MAPRE1: variants seen among roughly 807,000 people sequenced by gnomAD.
The protein encoded by MAPRE1 is microtubule associated protein RP/EB family member 1.
MAPRE1 carries 5 observed loss-of-function variants against 32.1 expected under a neutral mutation model. That is an observed-to-expected ratio of 0.16 (90% CI 0.08 to 0.33). The LOEUF is 0.33. Among genes scored for constraint, MAPRE1 ranks in the 10% least tolerant of loss-of-function variants. The pLI, the probability that MAPRE1 is intolerant of heterozygous loss-of-function variation, is 1.00. For synonymous variants in MAPRE1, 122 were observed against 118.9 expected, an observed-to-expected ratio of 1.03 and a Z score of -0.17; for missense variants, 209 against 327.2, an observed-to-expected ratio of 0.64 and a Z score of 2.79.
intron 6 of MAPRE1, among the ~76,000 whole-genome samples, chr20:32,847,432 C>T (rs1201652784): frequency 6.6e-6 from 1 of 152,178 alleles, no homozygotes. Context: ...CTAGCAAGGT[C>T]TGTAGGATCA....
chr20:32,840,982 A>T (rs1486539832), intron 5 of MAPRE1, among the ~76,000 whole-genome samples: 1 of 151,870 alleles, frequency 6.6e-6, no homozygotes, highest in Non-Finnish European at 1.5e-5. Context: ...CGCCTGGCTG[A>T]TTTTTGTATT....
intron 2 of MAPRE1, among the ~76,000 whole-genome samples, chr20:32,830,528 C>G (rs902027702): frequency 1.3e-5 from 2 of 152,094 alleles, no homozygotes; most frequent in Non-Finnish European, 2.9e-5. Context: ...GAGGCTAATT[C>G]ACAGTTTTAT....
chr20:32,825,119 T>C (rs2146121169), intron 1 of MAPRE1, among the ~76,000 whole-genome samples: 1 of 146,232 alleles, frequency 6.8e-6, no homozygotes. Context: ...GCCATTGCAC[T>C]CCAGTCTGGG....
chr20:32,841,377 T>C (rs557853141), intron 5 of MAPRE1, among the ~76,000 whole-genome samples: 31 of 151,732 alleles, frequency 2.0e-4, no homozygotes, highest in South Asian at 4.2e-4. Context: ...ATGTTGAGGC[T>C]GGGTAGCAGC....
intron 4 of MAPRE1, among the ~76,000 whole-genome samples, chr20:32,839,169 A>C (rs1294446036): frequency 1.3e-5 from 2 of 152,170 alleles, no homozygotes; most frequent in African/African-American, 4.8e-5. Flanking sequence ...GCTCTTATGG[A>C]TTCCCTCCCT....
At chr20:32,839,956 G>A in intron 5 of MAPRE1, 100 bp downstream of exon 5, 1 of 1,524,748 alleles carries the variant, frequency 6.6e-7, no homozygotes, top group East Asian at 2.3e-5. Flanking sequence ...CACCTGCCTT[G>A]TTTGCTTGCC....
At chr20:32,823,543 C>T (rs1982758972) in intron 1 of MAPRE1, among the ~76,000 whole-genome samples, 1 of 152,220 alleles carries the variant, frequency 6.6e-6, no homozygotes, top group Admixed American at 6.5e-5. Context: ...TCCCTCCCTA[C>T]TGTCTGTTCT....
intron 2 of MAPRE1, among the ~76,000 whole-genome samples, chr20:32,827,302 G>A (rs1814427630): frequency 6.6e-6 from 1 of 152,068 alleles, no homozygotes; most frequent in African/African-American, 2.4e-5. Flanking sequence ...CAGCTGCTCT[G>A]GAGGCTGAGG....
chr20:32,828,951 T>C, intron 2 of MAPRE1, among the ~76,000 whole-genome samples: 1 of 152,004 alleles, frequency 6.6e-6, no homozygotes. Flanking sequence ...TTTTTTTTTC[T>C]TTTTGAGACT....
intron 6 of MAPRE1, among the ~76,000 whole-genome samples, chr20:32,848,045 A>T (rs888625027): frequency 3.0e-4 from 43 of 145,124 alleles, no homozygotes; most frequent in East Asian, 1.2e-3. Flanking sequence ...TTTGAGGGAA[A>T]TTTTTTTTTT....
At chr20:32,826,719 G>C (rs779483064) in intron 2 of MAPRE1, among the ~76,000 whole-genome samples, 1 of 151,376 alleles carries the variant, frequency 6.6e-6, no homozygotes, top group Non-Finnish European at 1.5e-5. Flanking sequence ...AGTGGAGACG[G>C]GGTTTCACCA....
At chr20:32,827,269 G>T (rs1358058537) in intron 2 of MAPRE1, among the ~76,000 whole-genome samples, 2 of 152,054 alleles carry the variant, frequency 1.3e-5, no homozygotes, top group Non-Finnish European at 2.9e-5. Context: ...TTAGCCGGGG[G>T]TGGTGGCAGG....
In MAPRE1 at chr20:32,838,262, GCTT is replaced by G. The variant is rs1026551309; in HGVS notation, c.475+1425_475+1427del. On this transcript the variant is annotated intron_variant, in intron 4 of 6. Transcript: ENST00000375571. ...TAGAGTATGTGATCTTTTGTGTCTGGCTTCTTTTGCTCAGCCTGCTGTTTTCAA... is the reference window on the plus strand; with the variant it reads ...TAGAGTATGTGATCTTTTGTGTCTGGCTTTTGCTCAGCCTGCTGTTTTCAA... 6.0e-4 allele frequency among the ~76,000 whole-genome samples: 91 copies of G among 152,122 alleles called. 1 individual carries two copies. Among genetic ancestry groups the G allele is most frequent in the African/African-American group, 2.1e-3 (88 of 41,480 alleles).
intron 4 of MAPRE1, among the ~76,000 whole-genome samples, chr20:32,838,794 G>C (rs1601168546): frequency 6.6e-6 from 1 of 152,212 alleles, no homozygotes; most frequent in Non-Finnish European, 1.5e-5. Context: ...GAGTCATCCA[G>C]AGGAAATGCC....
intron 2 of MAPRE1, among the ~76,000 whole-genome samples, chr20:32,828,500 T>A (rs1982931213): frequency 6.6e-6 from 1 of 152,270 alleles, no homozygotes; most frequent in Non-Finnish European, 1.5e-5. Context: ...TAGACAGGAC[T>A]GGGCATAAAG....
chr20:32,827,412 A>G (rs949915519), intron 2 of MAPRE1, among the ~76,000 whole-genome samples: 4 of 152,144 alleles, frequency 2.6e-5, no homozygotes, highest in African/African-American at 9.7e-5. Context: ...CCGTCTCAAA[A>G]AAATGAAAAA....
At chr20:32,821,409 G>A (rs981016883) in intron 1 of MAPRE1, among the ~76,000 whole-genome samples, 2 of 152,134 alleles carry the variant, frequency 1.3e-5, no homozygotes, top group Non-Finnish European at 2.9e-5. Flanking sequence ...CCCCCACCTG[G>A]GACTTCAGTG....
intron 6 of MAPRE1, among the ~76,000 whole-genome samples, chr20:32,847,942 C>G (rs374689544): frequency 6.6e-6 from 1 of 151,838 alleles, no homozygotes; most frequent in East Asian, 1.9e-4. Flanking sequence ...CTAAGTATAA[C>G]AAAAGGAAGG....
intron 4 of MAPRE1, among the ~76,000 whole-genome samples, chr20:32,838,186 CT>C (rs1983253139): frequency 6.6e-6 from 1 of 152,190 alleles, no homozygotes; most frequent in Non-Finnish European, 1.5e-5. Flanking sequence ...CACTTATCTG[CT>C]TTCTGTCTCT....
Sources: gnomAD v4.1 joint callset for allele counts (sites outside exome capture counted in the v4.1 genomes callset) on GRCh38, gnomAD v4.1.1 for gene constraint, MANE v1.5 for transcripts, NCBI Gene and HGNC (gene_info 2026-07-23, HGNC 2026-07-21) for gene names.